The following VPS41 variants were observed in gnomAD, a reference collection of about 807,000 sequenced individuals.
VPS41 encodes VPS41 subunit of HOPS complex, also known as vacuolar protein sorting-associated protein 41 homolog.
Under a neutral mutation model 130.9 loss-of-function variants are expected in VPS41, and 85 were observed. The observed-to-expected ratio is 0.65, with a 90% CI of 0.55 to 0.78. The LOEUF is 0.78. Among genes scored for constraint, VPS41 ranks in the 30% least tolerant of loss-of-function variants. The probability of loss-of-function intolerance (pLI) is 0.00; values close to 1 mark genes in which losing one functional copy is unlikely to be tolerated. For missense variants in VPS41, 874 were observed against 1,018.7 expected, an observed-to-expected ratio of 0.86 and a Z score of 1.93; for synonymous variants, 335 against 332.9, an observed-to-expected ratio of 1.01 and a Z score of -0.07.
At chr7:38,727,638 C>T (rs1795573594) in intron 27 of VPS41, among the ~76,000 whole-genome samples, 1 of 152,184 alleles carries the variant, frequency 6.6e-6, no homozygotes, top group Non-Finnish European at 1.5e-5. Context: ...ATGCAGTTTT[C>T]AACAGAAGCA....
intron 5 of VPS41, among the ~76,000 whole-genome samples, chr7:38,823,516 T>C (rs2116133921): frequency 6.6e-6 from 1 of 152,338 alleles, no homozygotes; most frequent in Admixed American, 6.5e-5. Flanking sequence ...AAATTCTATT[T>C]GAAAAATAAA....
intron 11 of VPS41, among the ~76,000 whole-genome samples, chr7:38,776,358 A>T (rs1357500765): frequency 6.6e-6 from 1 of 152,190 alleles, no homozygotes; most frequent in Non-Finnish European, 1.5e-5. Context: ...CATTGCTGTC[A>T]TTTCTGCTAA....
chr7:38,795,884 T>C (rs1784609810), intron 8 of VPS41, among the ~76,000 whole-genome samples: 1 of 152,204 alleles, frequency 6.6e-6, no homozygotes, highest in Non-Finnish European at 1.5e-5. Context: ...CAAACATCAA[T>C]AGCTGCATTT....
chr7:38,765,489 A>G (rs1285711616), intron 16 of VPS41, 91 bp downstream of exon 16: 3 of 866,758 alleles, frequency 3.5e-6, no homozygotes, highest in Non-Finnish European at 3.5e-6. Context: ...TCACGTCCTA[A>G]AAAAGAGCTG....
chr7:38,796,249 C>T (rs1466304887), intron 8 of VPS41, among the ~76,000 whole-genome samples: 1 of 152,190 alleles, frequency 6.6e-6, no homozygotes, highest in African/African-American at 2.4e-5. Context: ...TTTAAAACTT[C>T]CTACTAGCCC....
At chr7:38,841,162 T>C (rs1450938414) in intron 4 of VPS41, among the ~76,000 whole-genome samples, 1 of 152,222 alleles carries the variant, frequency 6.6e-6, no homozygotes, top group East Asian at 1.9e-4. Context: ...GAAAGAATTT[T>C]TGGGTTACAA....
At chr7:38,772,427 T>G in intron 13 of VPS41, 95 bp downstream of exon 13, 2 of 845,280 alleles carry the variant, frequency 2.4e-6, no homozygotes, top group East Asian at 3.0e-5. Flanking sequence ...AAACTCTACT[T>G]TGACTACATA....
intron 13 of VPS41, among the ~76,000 whole-genome samples, chr7:38,771,612 A>C (rs961710618): frequency 6.6e-6 from 1 of 152,216 alleles, no homozygotes; most frequent in Non-Finnish European, 1.5e-5. Flanking sequence ...AAAAAAAGGC[A>C]GCTGTCTTCT....
At chr7:38,901,533 T>A (rs1417560218) in intron 1 of VPS41, among the ~76,000 whole-genome samples, 2 of 152,070 alleles carry the variant, frequency 1.3e-5, no homozygotes, top group Non-Finnish European at 2.9e-5. Flanking sequence ...AGGCTCTTTT[T>A]AACAACCAGC....
At chr7:38,842,547 G>A (rs1168298041) in intron 4 of VPS41, among the ~76,000 whole-genome samples, 3 of 152,006 alleles carry the variant, frequency 2.0e-5, no homozygotes, top group African/African-American at 4.8e-5. Context: ...ATATATAGTC[G>A]TCCTACTGAT....
At chr7:38,868,239 G>C (rs1786269969) in intron 3 of VPS41, among the ~76,000 whole-genome samples, 1 of 152,206 alleles carries the variant, frequency 6.6e-6, no homozygotes, top group South Asian at 2.1e-4. Flanking sequence ...GCAATGAAAA[G>C]GGGTCGATGG....
Position 38,807,412 on chromosome 7 carries a change from C to T in VPS41, c.450+10405G>A, listed in dbSNP as rs187470914. Among the ~76,000 whole-genome samples the T allele has an allele frequency of 1.3e-4, 19 of 151,990 alleles. No individual in the cohort carries two copies. In the East Asian group the frequency reaches 1.7e-3, roughly 14 times the overall value. ...AGGAAAACAAACAAACCATACAGGT[C>T]GAGGGGGATCCAAAAGGCTTAAAGA... On this transcript the variant is annotated intron_variant, in intron 7 of 28. Coordinates refer to ENST00000310301, the MANE Select transcript of VPS41 (RefSeq NM_014396.4).
intron 11 of VPS41, chr7:38,775,334 G>A (rs978678508): frequency 2.6e-5 from 4 of 152,102 alleles, no homozygotes; most frequent in Non-Finnish European, 5.9e-5. Flanking sequence ...TCTTCTTCTG[G>A]AAAAAGTCCA....
In VPS41 at chr7:38,854,137, C is replaced by T. The variant is rs573437357; in HGVS notation, c.246+8408G>A. Reference sequence around the variant, plus strand: ...GACACATCTCTTATCACTCAAAATACGGGGTTCAAATATAGAAAACAAGTT... The same window carrying T: ...GACACATCTCTTATCACTCAAAATATGGGGTTCAAATATAGAAAACAAGTT... On this transcript the variant is annotated intron_variant, in intron 4 of 28. Transcript: ENST00000310301. 5.7e-4 allele frequency among the ~76,000 whole-genome samples: 87 copies of T among 152,238 alleles called. 1 individual carries two copies. In the South Asian group the frequency reaches 6.6e-3, roughly 12 times the overall value.
intron 3 of VPS41, among the ~76,000 whole-genome samples, chr7:38,868,309 C>A (rs10270427): frequency 0.93 from 141,060 of 152,304 alleles, 65,487 homozygotes; most frequent in East Asian, 0.99. Flanking sequence ...CATGAGAAAG[C>A]AGGCATACAT....
chr7:38,728,220 A>G (rs1272577713), intron 27 of VPS41: 7 of 513,548 alleles, frequency 1.4e-5, no homozygotes, highest in Non-Finnish European at 2.5e-5. Flanking sequence ...ATTACCTGGG[A>G]ACTTGTTAGA....
At chr7:38,899,663 G>A (rs1000060959) in intron 1 of VPS41, among the ~76,000 whole-genome samples, 1 of 152,084 alleles carries the variant, frequency 6.6e-6, no homozygotes, top group Non-Finnish European at 1.5e-5. Context: ...ACTGGGGTTG[G>A]AAGAGTGAGG....
At chr7:38,814,853 A>C (rs536470446) in intron 7 of VPS41, among the ~76,000 whole-genome samples, 1 of 152,274 alleles carries the variant, frequency 6.6e-6, no homozygotes, top group East Asian at 1.9e-4. Context: ...GCATCAAAAC[A>C]TGCTAGGGAA....
At position 38,795,456 on chromosome 7, in the gene VPS41, C is replaced by A; in HGVS notation, c.717+9G>T. The A allele has an allele frequency of 5.0e-6, 8 of 1,607,984 alleles. No homozygotes were observed. Among genetic ancestry groups the A allele is most frequent in the Non-Finnish European group, 6.8e-6 (8 of 1,176,758 alleles). On this transcript the variant is annotated intron_variant, in intron 9 of 28. Transcript: ENST00000310301. ...AACACGGACTTATTATAAAGACAAG[C>A]AAAACCACCTTGACAGAAGTCCCCC...
Sources: allele counts gnomAD v4.1 joint callset (sites outside exome capture counted in the v4.1 genomes callset), GRCh38; gene constraint gnomAD v4.1.1; transcripts MANE v1.5; gene names NCBI Gene and HGNC (gene_info 2026-07-23, HGNC 2026-07-21).